AASDH: variants seen among roughly 807,000 people sequenced by gnomAD.
The protein encoded by AASDH is aminoadipate-semialdehyde dehydrogenase.
Under a neutral mutation model 102.3 loss-of-function variants are expected in AASDH, and 81 were observed. That is an observed-to-expected ratio of 0.79 (90% CI 0.66 to 0.95). The LOEUF is 0.95. Among genes scored for constraint, AASDH ranks in the 40% least tolerant of loss-of-function variants. AASDH has a pLI of 0.00. For missense variants in AASDH, 1,203 were observed against 1,266.2 expected (o/e 0.95, Z 0.76); for synonymous variants, 398 against 454.0 (o/e 0.88, Z 1.57).
At chr4:56,355,593 GTTTT>G (rs149149581) in intron 5 of AASDH, among the ~76,000 whole-genome samples, 170 bp from the exon 6 acceptor site, 42 of 91,910 alleles carry the variant, frequency 4.6e-4, no homozygotes, top group Non-Finnish European at 6.7e-4. Context: ...TTATCTTCTT[GTTTT>G]TTTTTTTTTT....
At chr4:56,349,215 G>T (rs780868956) in intron 11 of AASDH, 48 bp downstream of exon 11, 2 of 1,576,466 alleles carry the variant, frequency 1.3e-6, no homozygotes, top group Non-Finnish European at 1.7e-6. Context: ...GAAGATTATT[G>T]TATGGTAATT....
chr4:56,380,978 A>G (rs913004171), intron 3 of AASDH, among the ~76,000 whole-genome samples: 4 of 152,194 alleles, frequency 2.6e-5, no homozygotes, highest in African/African-American at 9.7e-5. Context: ...TCCTGTGTTA[A>G]ATGAAGGAAG....
At chr4:56,374,361 C>T in intron 4 of AASDH, among the ~76,000 whole-genome samples, 1 of 110,558 alleles carries the variant, frequency 9.0e-6, no homozygotes, top group Non-Finnish European at 1.8e-5. Context: ...GAGTGAGACT[C>T]TGTCTCAGAA....
At chr4:56,349,164 C>G in intron 11 of AASDH, 99 bp downstream of exon 11, 1 of 1,279,870 alleles carries the variant, frequency 7.8e-7, no homozygotes, top group Admixed American at 2.4e-5. Context: ...GCAACCAAAC[C>G]CATCATATTT....
At chr4:56,365,542 A>C (rs1220774622) in intron 5 of AASDH, among the ~76,000 whole-genome samples, 2 of 152,124 alleles carry the variant, frequency 1.3e-5, no homozygotes, top group African/African-American at 4.8e-5. Flanking sequence ...GTGCAATCAA[A>C]CTAGAACTCA....
chr4:56,345,068 A>G, intron 12 of AASDH, 59 bp downstream of exon 12: 1 of 1,571,800 alleles, frequency 6.4e-7, no homozygotes, highest in Non-Finnish European at 8.7e-7. Context: ...CAGCCTCTGG[A>G]GTAACTACCA....
intron 12 of AASDH, among the ~76,000 whole-genome samples, chr4:56,343,905 G>A (rs1033212350): frequency 6.6e-6 from 1 of 152,056 alleles, no homozygotes; most frequent in Non-Finnish European, 1.5e-5. Context: ...TCTTTTTGGG[G>A]TATGGGTGTG....
chr4:56,349,807 G>A lies in AASDH; in HGVS notation c.1944C>T (p.Leu648=). The A allele has an allele frequency of 1.2e-6, 2 of 1,614,154 alleles. No homozygotes were observed. The highest frequency in any genetic ancestry group is 1.7e-6 in the Non-Finnish European group (2 of 1,180,032). The change falls in exon 11 of 15, where the codon CTC becomes CTT. Residue 648 remains leucine, a synonymous_variant. Transcript: ENST00000205214. ...FRKSCATKRK[L]SDINQEEASG... is the part of the protein sequence containing the mutation. Reference sequence around the variant, plus strand: ...TGGCTTCCTCTTGATTAATGTCGCTGAGTTTCCTTTTTGTGGCACAACTCT... The same window carrying A: ...TGGCTTCCTCTTGATTAATGTCGCTAAGTTTCCTTTTTGTGGCACAACTCT...
chr4:56,374,866 T>C lies in AASDH; in HGVS notation c.669-3223A>G, dbSNP rs531418791. On this transcript the variant is annotated intron_variant, in intron 4 of 14. Transcript: ENST00000205214. ...AAGTTCATGGAGGTTAAGTACCTTA[T>C]GCAAAGTCAAACAAATCAACTAATT... Among the ~76,000 whole-genome samples the C allele has an allele frequency of 1.4e-4, 21 of 152,308 alleles. No homozygotes were observed. The South Asian group carries it at 4.3e-3, about 32-fold the overall frequency.
rs1403593429 is a variant in AASDH at position 56,342,385 on chromosome 4, G to A, written c.2907+450C>T. On this transcript the variant is annotated intron_variant, in intron 14 of 14. Transcript: ENST00000205214. ...CTTAATCATTACACAGTCTATGATT[G>A]TAACAAAATATCACATACATACCCC... is the stretch of plus-strand genomic sequence containing the variant. Among the ~76,000 whole-genome samples, 4 of 152,098 alleles carry A rather than the reference G, an allele frequency of 2.6e-5. No individual in the cohort carries two copies. In the South Asian group the frequency reaches 6.2e-4, roughly 24 times the overall value.
intron 5 of AASDH, among the ~76,000 whole-genome samples, chr4:56,358,906 T>G (rs528100655): frequency 2.6e-5 from 4 of 152,234 alleles, no homozygotes; most frequent in Non-Finnish European, 5.9e-5. Context: ...AAGTGGGGTA[T>G]TACAATCTCC....
chr4:56,386,320 T>C (rs1753547696), intron 1 of AASDH, among the ~76,000 whole-genome samples: 1 of 152,210 alleles, frequency 6.6e-6, no homozygotes, highest in Non-Finnish European at 1.5e-5. Context: ...GAAGGGTACC[T>C]ACACATCTAT....
intron 4 of AASDH, among the ~76,000 whole-genome samples, chr4:56,371,969 G>A (rs1169574313): frequency 1.3e-5 from 2 of 152,138 alleles, no homozygotes; most frequent in Non-Finnish European, 2.9e-5. Context: ...AGGAGACAAG[G>A]GATATTCTCT....
At chr4:56,342,110 C>CAAA (rs113304959) in intron 14 of AASDH, among the ~76,000 whole-genome samples, 302 of 96,124 alleles carry the variant, frequency 3.1e-3, no homozygotes, top group East Asian at 7.1e-3. Flanking sequence ...GATTCTGTCT[C>CAAA]AAAAAAAAAA....
At chr4:56,361,859 C>G (rs1315779728) in intron 5 of AASDH, among the ~76,000 whole-genome samples, 1 of 152,138 alleles carries the variant, frequency 6.6e-6, no homozygotes, top group African/African-American at 2.4e-5. Flanking sequence ...GTGGTCCCAG[C>G]TACTCAGGAG....
chr4:56,367,138 T>C (rs911095072), intron 5 of AASDH, among the ~76,000 whole-genome samples: 1 of 151,938 alleles, frequency 6.6e-6, no homozygotes, highest in Non-Finnish European at 1.5e-5. Flanking sequence ...GAGAATAAAA[T>C]ACCTAAGAAT....
At chr4:56,347,977 C>T (rs1036998766) in intron 11 of AASDH, among the ~76,000 whole-genome samples, 3 of 151,538 alleles carry the variant, frequency 2.0e-5, no homozygotes, top group African/African-American at 7.3e-5. Context: ...ATGGTGAAAC[C>T]CCATCTCTAC....
In AASDH at chr4:56,351,428, T is replaced by G; in HGVS notation, c.1606A>C (p.Ile536Leu). The G allele has an allele frequency of 6.3e-7, 1 of 1,593,408 alleles. No homozygotes were observed. Among genetic ancestry groups the G allele is most frequent in the Non-Finnish European group, 8.6e-7 (1 of 1,165,876 alleles). Reference protein sequence around the residue: ...GKIDVSELNKIYLNYINLKSE... With the variant: ...GKIDVSELNKLYLNYINLKSE... Reference sequence around the variant, plus strand: ...TTCAAGTTTATGTAGTTTAAATATATCTTGTTTAACTCAGAAACATCAATT... The same window carrying G: ...TTCAAGTTTATGTAGTTTAAATATAGCTTGTTTAACTCAGAAACATCAATT... Residue 536 changes from isoleucine to leucine, a missense_variant, in exon 10 of 15, where the codon ATA becomes CTA. Coordinates refer to ENST00000205214, the MANE Select transcript of AASDH (RefSeq NM_181806.4).
chr4:56,375,354 TA>T (rs1752218402), intron 4 of AASDH, among the ~76,000 whole-genome samples: 1 of 152,226 alleles, frequency 6.6e-6, no homozygotes. Context: ...CTCCCTAGCT[TA>T]GTGATCTAAG....
Sources: allele counts gnomAD v4.1 joint callset (sites outside exome capture counted in the v4.1 genomes callset), GRCh38; gene constraint gnomAD v4.1.1; transcripts MANE v1.5; gene names NCBI Gene and HGNC (gene_info 2026-07-23, HGNC 2026-07-21).